The following SNTG2 variants were observed in gnomAD, a reference collection of about 807,000 sequenced individuals.
The protein encoded by SNTG2 is syntrophin gamma 2.
A neutral mutation model predicts 70.9 loss-of-function variants in SNTG2; 74 were observed. The ratio of observed to expected loss-of-function variants is 1.04; its 90% CI spans 0.86 to 1.27. SNTG2 has a LOEUF of 1.27. SNTG2 is among the 50% of genes most tolerant of loss of function. The pLI is 0.00. For missense variants in SNTG2, 717 were observed against 690.7 expected, an observed-to-expected ratio of 1.04 and a Z score of -0.43; for synonymous variants, 278 against 273.8, an observed-to-expected ratio of 1.02 and a Z score of -0.15.
intron 6 of SNTG2, among the ~76,000 whole-genome samples, chr2:1,148,655 C>A (rs546425595): frequency 6.6e-6 from 1 of 152,204 alleles, no homozygotes; most frequent in African/African-American, 2.4e-5. Context: ...GGGTTCCCCC[C>A]GCTCCTTGTG....
chr2:1,348,716 C>A (rs1299312325), intron 16 of SNTG2, among the ~76,000 whole-genome samples: 4 of 152,196 alleles, frequency 2.6e-5, no homozygotes, highest in Non-Finnish European at 5.9e-5. Flanking sequence ...TTTCTAGGAC[C>A]TCCCGAGGGC....
At chr2:1,147,729 C>A (rs1191771007) in intron 6 of SNTG2, among the ~76,000 whole-genome samples, 10 of 152,192 alleles carry the variant, frequency 6.6e-5, no homozygotes, top group Non-Finnish European at 2.9e-5. Flanking sequence ...TGATTCCACA[C>A]AGGGAAGGAA....
At chr2:1,310,231 C>T (rs1005037773) in intron 15 of SNTG2, among the ~76,000 whole-genome samples, 14 of 152,324 alleles carry the variant, frequency 9.2e-5, no homozygotes, top group African/African-American at 3.4e-4. Context: ...CTGTGAGCTC[C>T]TCCTTTCCAG....
intron 14 of SNTG2, among the ~76,000 whole-genome samples, chr2:1,297,233 T>C (rs933828382): frequency 6.6e-6 from 1 of 152,242 alleles, no homozygotes; most frequent in African/African-American, 2.4e-5. Context: ...CTTTTCTGTC[T>C]TCATGCAGAA....
intron 11 of SNTG2, chr2:1,242,681 C>A (rs1371545620): frequency 6.6e-6 from 1 of 152,142 alleles, no homozygotes; most frequent in African/African-American, 2.4e-5. Context: ...ATTGCCAAAT[C>A]TCCCTGACCC....
intron 1 of SNTG2, among the ~76,000 whole-genome samples, chr2:1,028,602 C>T (rs1056520626): frequency 6.6e-6 from 1 of 152,216 alleles, no homozygotes; most frequent in African/African-American, 2.4e-5. Context: ...CAGAAACCCT[C>T]TGCTTTCCCT....
Position 974,745 on chromosome 2 carries a change from A to G in SNTG2, c.72+23677A>G, listed in dbSNP as rs144353588. Among the ~76,000 whole-genome samples the G allele has an allele frequency of 1.1e-4, 17 of 152,224 alleles. 1 individual carries two copies. In the East Asian group the frequency reaches 3.3e-3, roughly 29 times the overall value. ...GTCTTTCAATCCTGTCTCCATTCAG[A>G]GGGACTTTTTACTCTCTGGAATGTA... On this transcript the variant is annotated intron_variant, in intron 1 of 16. Coordinates refer to ENST00000308624, the MANE Select transcript of SNTG2 (RefSeq NM_018968.4).
chr2:1,179,301 C>A (rs1261341950), intron 8 of SNTG2, among the ~76,000 whole-genome samples: 1 of 152,036 alleles, frequency 6.6e-6, no homozygotes, highest in Non-Finnish European at 1.5e-5. Context: ...GTCTCTATTT[C>A]CTTCAGTTCT....
intron 4 of SNTG2, among the ~76,000 whole-genome samples, chr2:1,099,383 G>A: frequency 6.6e-6 from 1 of 152,226 alleles, no homozygotes; most frequent in East Asian, 1.9e-4. Flanking sequence ...CCCTGGAGGG[G>A]ACATGCTTCT....
chr2:1,318,547 G>T (rs1048082595), intron 16 of SNTG2, among the ~76,000 whole-genome samples: 4 of 152,230 alleles, frequency 2.6e-5, no homozygotes, highest in African/African-American at 9.6e-5. Flanking sequence ...AGCGGCACTC[G>T]TGCTGACCGC....
At position 1,237,910 on chromosome 2, in the gene SNTG2, G is replaced by A. The variant is rs185149623; in HGVS notation, c.742G>A (p.Ala248Thr). 3.2e-5 allele frequency: 51 copies of A among 1,605,032 alleles called. 1 individual carries two copies. The highest frequency in any genetic ancestry group is 2.5e-4 in the Admixed American group (15 of 59,002). The change falls in exon 10 of 17, where the codon GCC becomes ACC. Residue 248 changes from alanine (A) to threonine (T), a missense_variant. Physicochemically the swap from Ala to Thr is moderately conservative, Grantham distance 58. Transcript: ENST00000308624. ...KLRWNAFEVL[A>T]LDGVSSGILR... is the part of the protein sequence containing the mutation. ...CAGGTGGAATGCGTTCGAGGTGCTC[G>A]CCCTGGACGGAGTCAGCTCTGGGAT...
chr2:1,066,187 T>A (rs1663136218), intron 1 of SNTG2, among the ~76,000 whole-genome samples: 3 of 152,310 alleles, frequency 2.0e-5, no homozygotes, highest in South Asian at 4.1e-4. Context: ...TTTGACGAAC[T>A]CTTAGAAAGC....
At position 1,301,305 on chromosome 2, in the gene SNTG2, T is replaced by C. The variant is rs77787303; in HGVS notation, c.1285-7189T>C. Among the ~76,000 whole-genome samples, 920 of 152,234 alleles carry C rather than the reference T, an allele frequency of 6.0e-3. 9 individuals carry two copies. Among genetic ancestry groups the C allele is most frequent in the African/African-American group, 0.021 (859 of 41,538 alleles). ...TGCTTACCCCGCGCCCTGCTGAGGC[T>C]CAGCTGCCGTCTGCACCCATGCCAT... On this transcript the variant is annotated intron_variant, in intron 14 of 16. Coordinates refer to ENST00000308624, the MANE Select transcript of SNTG2 (RefSeq NM_018968.4).
At chr2:1,157,057 C>A (rs1348276637) in intron 6 of SNTG2, among the ~76,000 whole-genome samples, 4 of 152,196 alleles carry the variant, frequency 2.6e-5, no homozygotes, top group Non-Finnish European at 1.5e-5. Context: ...TGCATGGATT[C>A]ACTCAGCATA....
intron 1 of SNTG2, among the ~76,000 whole-genome samples, chr2:974,446 G>GGGT (rs1250619307): frequency 1.3e-5 from 2 of 152,188 alleles, no homozygotes; most frequent in Non-Finnish European, 2.9e-5. Context: ...AGGCAGCCCT[G>GGGT]TCAGTTTGAC....
chr2:1,247,507 G>A, intron 12 of SNTG2, 64 bp downstream of exon 12: 1 of 1,136,516 alleles, frequency 8.8e-7, no homozygotes, highest in African/African-American at 1.5e-5. Flanking sequence ...GTAGGAGGGG[G>A]AAAGCTACAT....
chr2:1,147,809 C>A (rs1300548342), intron 6 of SNTG2, among the ~76,000 whole-genome samples: 1 of 152,142 alleles, frequency 6.6e-6, no homozygotes, highest in African/African-American at 2.4e-5. Context: ...CGGTGTTGCC[C>A]AGACATGATT....
chr2:1,129,211 C>T (rs1304751682), intron 4 of SNTG2, among the ~76,000 whole-genome samples: 2 of 152,192 alleles, frequency 1.3e-5, no homozygotes, highest in Admixed American at 6.5e-5. Flanking sequence ...CCTAAGAAAA[C>T]TACAGGTGGT....
intron 16 of SNTG2, among the ~76,000 whole-genome samples, chr2:1,328,795 CCACA>C (rs1223630410): frequency 1.3e-5 from 2 of 151,834 alleles, no homozygotes; most frequent in African/African-American, 2.4e-5. Flanking sequence ...ACGTGTGTAT[CCACA>C]CACACACATA....
Sources: allele counts gnomAD v4.1 joint callset (sites outside exome capture counted in the v4.1 genomes callset), GRCh38; gene constraint gnomAD v4.1.1; transcripts MANE v1.5; gene names NCBI Gene and HGNC (gene_info 2026-07-23, HGNC 2026-07-21).